AMIGO3: variants seen among roughly 807,000 people sequenced by gnomAD.
AMIGO3 encodes adhesion molecule with Ig like domain 3, also known as amphoterin-induced protein 3.
A neutral mutation model predicts 4.3 loss-of-function variants in AMIGO3; 6 were observed. That is an observed-to-expected ratio of 1.39 (90% CI 0.76 to 2.75). AMIGO3 has a LOEUF of 2.75. AMIGO3 is among the 30% of genes most tolerant of loss of function. The pLI, the probability that AMIGO3 is intolerant of heterozygous loss-of-function variation, is 0.00. For missense variants in AMIGO3, 771 were observed against 692.1 expected (o/e 1.11, Z -1.28); for synonymous variants, 315 against 320.0 (o/e 0.98, Z 0.17).
rs776512535 is a variant in AMIGO3 at position 49,719,068 on chromosome 3, C to T, written c.398G>A (p.Gly133Glu). Residue 133 changes from glycine to glutamate, a missense_variant, in exon 1 of 1, where the codon GGG becomes GAG. Gly to Glu is a moderately conservative substitution (Grantham distance 98, BLOSUM62 -2). Coordinates refer to ENST00000320431, the MANE Select transcript of AMIGO3 (RefSeq NM_198722.3). ...ALGRHDLDGL[G>E]ALEKLLLFNN... ...GAACAGAAGCAGCTTCTCCAGCGCC[C>T]CCAGCCCGTCGAGGTCGTGGCGGCC... The T allele has an allele frequency of 4.2e-5, 67 of 1,613,688 alleles. No homozygotes were observed. The East Asian group carries it at 1.5e-3, about 36-fold the overall frequency.
At position 49,718,192 on chromosome 3, in the gene AMIGO3, G is replaced by A. The variant is rs1407143107; in HGVS notation, c.1274C>T (p.Pro425Leu). 11 of 1,612,804 alleles carry A rather than the reference G, an allele frequency of 6.8e-6. No homozygotes were observed. The highest frequency in any genetic ancestry group is 2.2e-5 in the East Asian group (1 of 44,872). Residue 425 changes from proline (P) to leucine (L), a missense_variant, in exon 1 of 1, where the codon CCG (proline) becomes CTG (leucine). Coordinates refer to ENST00000320431, the MANE Select transcript of AMIGO3 (RefSeq NM_198722.3). ...RCRRWPQTPS[P>L]LQELSAQSSV... ...GGACTGTGCGCTCAGCTCTTGGAGC[G>A]GGCTGGGTGTTTGGGGCCAGCGGCG...
In AMIGO3 at chr3:49,718,175, C is replaced by T. The variant is rs1408021786; in HGVS notation, c.1291G>A (p.Ala431Thr). Residue 431 changes from alanine to threonine, a missense_variant, in exon 1 of 1, where the codon GCA becomes ACA. Transcript: ENST00000320431. The part of the protein sequence containing the change: ...QTPSPLQELS[A>T]QSSVLSTTPP... ...GTGGTGCTGAGTACTGAGGACTGTGCGCTCAGCTCTTGGAGCGGGCTGGGT... is the reference window on the plus strand; with the variant it reads ...GTGGTGCTGAGTACTGAGGACTGTGTGCTCAGCTCTTGGAGCGGGCTGGGT... 1 of 1,613,146 alleles carries T rather than the reference C, an allele frequency of 6.2e-7. No individual in the cohort carries two copies. Among genetic ancestry groups the T allele is most frequent in the Non-Finnish European group, 8.5e-7 (1 of 1,180,016 alleles).
rs1270155894 is a variant in AMIGO3, at chr3:49,719,250, C to T, written c.216G>A (p.Ala72=). Residue 72 remains alanine, a synonymous_variant, in exon 1 of 1, where the codon GCG becomes GCA. Transcript: ENST00000320431. ...ACCAGCCGGGGCGCAGGCGCTGGAGCGCGTTGTGGCTCAGGTCGAGGTCCG... is the reference window on the plus strand; with the variant it reads ...ACCAGCCGGGGCGCAGGCGCTGGAGTGCGTTGTGGCTCAGGTCGAGGTCCG... ...ATADLDLSHN[A]LQRLRPGWLA... 6.2e-7 allele frequency: 1 copy of T among 1,613,234 alleles called. No homozygotes were observed. The highest frequency in any genetic ancestry group is 1.7e-5 in the Admixed American group (1 of 60,006).
rs773370191 is a variant in AMIGO3, at chr3:49,719,397, G to A, written c.69C>T (p.Ser23=). The change falls in exon 1 of 1, where the codon TCC becomes TCT. Residue 23 remains serine (S), a synonymous_variant. Transcript: ENST00000320431. ...MLRVGLGTPD[S]EGFPPRALHN... is the part of the protein sequence containing the mutation. ...GGAGCGCACGGGGCGGGAAACCCTC[G>A]GAGTCCGGGGTGCCTAACCCAACGC... The A allele has an allele frequency of 9.3e-6, 15 of 1,613,498 alleles. No homozygotes were observed. In the South Asian group the frequency reaches 1.6e-4, roughly 18 times the overall value.
rs141168573 is a variant in AMIGO3, at chr3:49,718,223, G to C, written c.1243C>G (p.Arg415Gly). 6.2e-7 allele frequency: 1 copy of C among 1,611,920 alleles called. No homozygotes were observed. The highest frequency in any genetic ancestry group is 1.3e-5 in the African/African-American group (1 of 74,886). The change falls in exon 1 of 1, where the codon CGC becomes GGC. Residue 415 changes from arginine to glycine, a missense_variant. Arg to Gly is a moderately radical substitution (Grantham distance 125). Coordinates refer to ENST00000320431, the MANE Select transcript of AMIGO3 (RefSeq NM_198722.3). Reference protein sequence around the residue: ...PPCRCCRRACRCRRWPQTPSP... With the variant: ...PPCRCCRRACGCRRWPQTPSP... ...GGTGTTTGGGGCCAGCGGCGGCAGCGGCAGGCACGGCGGCAGCAGCGGCAG... is the reference window on the plus strand; with the variant it reads ...GGTGTTTGGGGCCAGCGGCGGCAGCCGCAGGCACGGCGGCAGCAGCGGCAG...
chr3:49,719,531 T>C lies in AMIGO3; in HGVS notation c.-66A>G. Reference sequence around the variant, plus strand: ...GGTTGCAGTTCCAGGACTCACCCTCTTCTGCTCTAGTGCGACATGGGTGGC... The same window carrying C: ...GGTTGCAGTTCCAGGACTCACCCTCCTCTGCTCTAGTGCGACATGGGTGGC... On this transcript the variant is annotated 5_prime_UTR_variant, in exon 1 of 1. Coordinates refer to ENST00000320431, the MANE Select transcript of AMIGO3 (RefSeq NM_198722.3). 7.3e-7 allele frequency: 1 copy of C among 1,372,744 alleles called. No individual in the cohort carries two copies. The allele number at this position is 1,372,744 out of a possible 1,614,324, so 85.0% of individuals were successfully genotyped here. A position where few individuals can be genotyped will look rare whatever the true frequency, so the allele number is the denominator to read the frequency against.
rs764481919 is a variant in AMIGO3, at chr3:49,718,935, C to T, written c.531G>A (p.Leu177=). ...NELASFSFDH[L]HGLSATHLLT... is the part of the protein sequence containing the mutation. ...GCAGGTGGGTGGCGCTCAGACCGTG[C>T]AGGTGGTCGAAGGAGAACGAGGCGA... The change falls in exon 1 of 1, where the codon CTG becomes CTA. Residue 177 remains leucine (L), a synonymous_variant. Coordinates refer to ENST00000320431, the MANE Select transcript of AMIGO3 (RefSeq NM_198722.3). 2.5e-6 allele frequency: 4 copies of T among 1,613,606 alleles called. No homozygotes were observed. The African/African-American group carries it at 4.0e-5, about 16-fold the overall frequency.
chr3:49,718,085 G>A lies in AMIGO3; in HGVS notation c.1381C>T (p.Arg461Trp), dbSNP rs752238885. The change falls in exon 1 of 1, where the codon CGG becomes TGG. Residue 461 changes from arginine to tryptophan, a missense_variant. Physicochemically the swap from Arg to Trp is moderately radical, Grantham distance 101. Transcript: ENST00000320431. ...HKHVVFLEPGRRGLNGRVQLA... is the reference protein window; with the variant it reads ...HKHVVFLEPGWRGLNGRVQLA... Reference sequence around the variant, plus strand: ...TGCACGCGGCCATTGAGGCCCCTCCGGCCTGGCTCCAGAAAGACTACGTGC... The same window carrying A: ...TGCACGCGGCCATTGAGGCCCCTCCAGCCTGGCTCCAGAAAGACTACGTGC... The A allele has an allele frequency of 3.1e-6, 5 of 1,613,588 alleles. No individual in the cohort carries two copies. The South Asian group carries it at 4.4e-5, about 14-fold the overall frequency.
chr3:49,718,655 C>G lies in AMIGO3; in HGVS notation c.811G>C (p.Glu271Gln). 1 of 1,612,810 alleles carries G rather than the reference C, an allele frequency of 6.2e-7. No homozygotes were observed. Among genetic ancestry groups the G allele is most frequent in the East Asian group, 2.2e-5 (1 of 44,854 alleles). ...VRFFQHSRVF[E>Q]NCSSAPALGL... ...AGAGCTGGGGCCGACGAGCAGTTCTCAAAGACGCGGCTGTGCTGGAAGAAG... is the reference window on the plus strand; with the variant it reads ...AGAGCTGGGGCCGACGAGCAGTTCTGAAAGACGCGGCTGTGCTGGAAGAAG... Residue 271 changes from glutamate (E) to glutamine (Q), a missense_variant, in exon 1 of 1, where the codon GAG (glutamate) becomes CAG (glutamine). Physicochemically the swap from Glu to Gln is conservative, Grantham distance 29 (BLOSUM62 2). Coordinates refer to ENST00000320431, the MANE Select transcript of AMIGO3 (RefSeq NM_198722.3).
chr3:49,718,922 C>G lies in AMIGO3; in HGVS notation c.544G>C (p.Ala182Pro), dbSNP rs772901832. ...FSFDHLHGLS[A>P]THLLTLDLSS... ...AGGTCCAGAGTAAGCAGGTGGGTGG[C>G]GCTCAGACCGTGCAGGTGGTCGAAG... The change falls in exon 1 of 1, where the codon GCC (alanine) becomes CCC (proline). Residue 182 changes from alanine to proline, a missense_variant. By Grantham distance (27) the Ala-to-Pro change is conservative. Coordinates refer to ENST00000320431, the MANE Select transcript of AMIGO3 (RefSeq NM_198722.3). 7 of 1,613,542 alleles carry G rather than the reference C, an allele frequency of 4.3e-6. No individual in the cohort carries two copies. The highest frequency in any genetic ancestry group is 4.2e-6 in the Non-Finnish European group (5 of 1,180,042).
Position 49,719,559 on chromosome 3 carries a change from CG to C in AMIGO3, c.-95del. 1 of 1,116,436 alleles carries C rather than the reference CG, an allele frequency of 9.0e-7. No homozygotes were observed. The highest frequency in any genetic ancestry group is 1.3e-6 in the Non-Finnish European group (1 of 779,558). The allele number at this position is 1,116,436 out of a possible 1,614,324, so 69.2% of individuals were successfully genotyped here. ...TGCTCTAGTGCGACATGGGTGGCAC[CG>C]GATGGCCCTTGCCGAGGAGGCACGG... On this transcript the variant is annotated 5_prime_UTR_variant, in exon 1 of 1. Transcript: ENST00000320431.
At position 49,719,472 on chromosome 3, in the gene AMIGO3, G is replaced by A; in HGVS notation, c.-7C>T. 1.9e-6 allele frequency: 3 copies of A among 1,606,402 alleles called. No homozygotes were observed. The highest frequency in any genetic ancestry group is 2.6e-6 in the Non-Finnish European group (3 of 1,176,318). On this transcript the variant is annotated 5_prime_UTR_variant, in exon 1 of 1. Transcript: ENST00000320431. The stretch of plus-strand genomic sequence containing the variant: ...GCAGCACCAACCAGGTCATGGCGGC[G>A]ACCACCAGGGACAGTACAGAGCAGC...
chr3:49,718,001 C>CA lies in AMIGO3; in HGVS notation c.1464dup (p.Gly489TrpfsTer3). ...CCTATGGAGCTGGCGGACTCAGAGC[C>CA]AGCCTTCAGCTGCAGGCCTCCAGGG... is the stretch of plus-strand genomic sequence containing the variant. On this transcript the variant is annotated frameshift_variant, in exon 1 of 1. Coordinates refer to ENST00000320431, the MANE Select transcript of AMIGO3 (RefSeq NM_198722.3). LOFTEE classifies it high-confidence loss of function. 1 of 1,613,662 alleles carries CA rather than the reference C, an allele frequency of 6.2e-7. No individual in the cohort carries two copies. The highest frequency in any genetic ancestry group is 8.5e-7 in the Non-Finnish European group (1 of 1,180,038).
rs569000633 is a variant in AMIGO3 at position 49,718,982 on chromosome 3, G to A, written c.484C>T (p.Leu162Phe). 2.5e-6 allele frequency: 4 copies of A among 1,613,844 alleles called. No homozygotes were observed. In the African/African-American group the frequency reaches 5.3e-5, roughly 21 times the overall value. The stretch of plus-strand genomic sequence containing the variant: ...GCGAGTTCGTTGCAGCCCAGGTAGA[G>A]ATGGCTGAGCGCGCGCAGGCCGTGG... ...AFHGLRALSH[L>F]YLGCNELASF... Residue 162 changes from leucine to phenylalanine, a missense_variant, in exon 1 of 1, where the codon CTC (leucine) becomes TTC (phenylalanine). Coordinates refer to ENST00000320431, the MANE Select transcript of AMIGO3 (RefSeq NM_198722.3).
chr3:49,718,156 C>T lies in AMIGO3; in HGVS notation c.1310G>A (p.Ser437Asn), dbSNP rs1198772001. 35 of 1,613,096 alleles carry T rather than the reference C, an allele frequency of 2.2e-5. No individual in the cohort carries two copies. The Admixed American group carries it at 5.8e-4, about 27-fold the overall frequency. ...GCTGGGTGCGTCTGGCGGTGTGGTG[C>T]TGAGTACTGAGGACTGTGCGCTCAG... ...QELSAQSSVL[S>N]TTPPDAPSRK... The change falls in exon 1 of 1, where the codon AGC (serine) becomes AAC (asparagine). Residue 437 changes from serine to asparagine, a missense_variant. By Grantham distance (46) the Ser-to-Asn change is conservative. Transcript: ENST00000320431.
rs2080276467 is a variant in AMIGO3 at position 49,717,780 on chromosome 3, C to A, written c.*171G>T. The stretch of plus-strand genomic sequence containing the variant: ...CAGAAGGCAGGTTGGGGACCACAAC[C>A]CCTGTCTCTACCAGTGAGCGAGAAG... On this transcript the variant is annotated 3_prime_UTR_variant, in exon 1 of 1. Transcript: ENST00000320431. 4.1e-6 allele frequency: 3 copies of A among 735,538 alleles called. No homozygotes were observed. Among genetic ancestry groups the A allele is most frequent in the Non-Finnish European group, 6.5e-6 (3 of 459,736 alleles). 45.6% of individuals were successfully genotyped at this position (735,538 alleles called of 1,614,324 possible). A position where few individuals can be genotyped will look rare whatever the true frequency, so the allele number is the denominator to read the frequency against.
At position 49,719,284 on chromosome 3, in the gene AMIGO3, G is replaced by C. The variant is rs747674599; in HGVS notation, c.182C>G (p.Ala61Gly). ...GLQDVPAELPAATADLDLSHN... is the reference protein window; with the variant it reads ...GLQDVPAELPGATADLDLSHN... ...GCTCAGGTCGAGGTCCGCAGTAGCG[G>C]CAGGTAACTCGGCTGGCACGTCCTG... The change falls in exon 1 of 1, where the codon GCC becomes GGC. Residue 61 changes from alanine to glycine, a missense_variant. By Grantham distance (60) the Ala-to-Gly change is moderately conservative. Coordinates refer to ENST00000320431, the MANE Select transcript of AMIGO3 (RefSeq NM_198722.3). 6.2e-7 allele frequency: 1 copy of C among 1,613,208 alleles called. No individual in the cohort carries two copies. The highest frequency in any genetic ancestry group is 8.5e-7 in the Non-Finnish European group (1 of 1,179,940).
Position 49,718,769 on chromosome 3 carries a change from G to T in AMIGO3, c.697C>A (p.Arg233Ser). The T allele has an allele frequency of 6.2e-7, 1 of 1,613,276 alleles. No individual in the cohort carries two copies. ...CDCRLYHLLQ[R>S]WHQRGLSAVR... ...GCGCTCAGGCCCCGCTGGTGCCAGCGCTGTAGCAGGTGGTAGAGGCGGCAG... is the reference window on the plus strand; with the variant it reads ...GCGCTCAGGCCCCGCTGGTGCCAGCTCTGTAGCAGGTGGTAGAGGCGGCAG... The change falls in exon 1 of 1, where the codon CGC (arginine) becomes AGC (serine). Residue 233 changes from arginine (R) to serine (S), a missense_variant. Coordinates refer to ENST00000320431, the MANE Select transcript of AMIGO3 (RefSeq NM_198722.3).
In AMIGO3 at chr3:49,718,318, G is replaced by A. The variant is rs2080295976; in HGVS notation, c.1148C>T (p.Thr383Ile). The change falls in exon 1 of 1, where the codon ACA becomes ATA. Residue 383 changes from threonine to isoleucine, a missense_variant. By Grantham distance (89) the Thr-to-Ile change is moderately conservative. Coordinates refer to ENST00000320431, the MANE Select transcript of AMIGO3 (RefSeq NM_198722.3). ...FPRPEPEAFN[T>I]GFTTLLGCAV... ...ACAGCCCAGCAGTGTGGTGAAGCCT[G>A]TGTTGAAAGCCTCGGGCTCTGGGCG... The A allele has an allele frequency of 6.2e-7, 1 of 1,613,364 alleles. No homozygotes were observed. Among genetic ancestry groups the A allele is most frequent in the Non-Finnish European group, 8.5e-7 (1 of 1,179,938 alleles).
Sources: allele counts gnomAD v4.1 joint callset, GRCh38; gene constraint gnomAD v4.1.1; transcripts MANE v1.5; gene names NCBI Gene and HGNC (gene_info 2026-07-23, HGNC 2026-07-21).